The following LYPD6B variants were observed in gnomAD, a reference collection of about 807,000 sequenced individuals.
LYPD6B encodes ly6/PLAUR domain-containing protein 6B.
A neutral mutation model predicts 22.8 loss-of-function variants in LYPD6B; 17 were observed. The ratio of observed to expected loss-of-function variants is 0.75; its 90% CI spans 0.51 to 1.12. The LOEUF is 1.12. LYPD6B is among the 50% of genes most tolerant of loss of function. The pLI, the probability that LYPD6B is intolerant of heterozygous loss-of-function variation, is 0.00. For synonymous variants in LYPD6B, 106 were observed against 91.6 expected (o/e 1.16, Z -0.90); for missense variants, 221 against 258.3 (o/e 0.86, Z 0.99).
At chr2:149,067,607 G>A (rs566587535) in intron 1 of LYPD6B, among the ~76,000 whole-genome samples, 1 of 150,912 alleles carries the variant, frequency 6.6e-6, no homozygotes, top group Non-Finnish European at 1.5e-5. Flanking sequence ...TCCTCATAGG[G>A]CTATAAAGTG....
chr2:149,066,275 C>A (rs901262903), intron 1 of LYPD6B, among the ~76,000 whole-genome samples: 1 of 151,806 alleles, frequency 6.6e-6, no homozygotes, highest in Non-Finnish European at 1.5e-5. Context: ...GTGCTGCATC[C>A]ATTAACTTGT....
intron 1 of LYPD6B, among the ~76,000 whole-genome samples, chr2:149,100,776 G>T (rs1269348687): frequency 6.6e-6 from 1 of 152,176 alleles, no homozygotes; most frequent in African/African-American, 2.4e-5. Context: ...ATTCACCTTT[G>T]AACTTATGTT....
At chr2:149,190,988 C>T (rs1021223470) in intron 3 of LYPD6B, among the ~76,000 whole-genome samples, 2 of 152,090 alleles carry the variant, frequency 1.3e-5, no homozygotes, top group African/African-American at 4.8e-5. Context: ...AAGAAAGTCA[C>T]TCATATTTTC....
intron 1 of LYPD6B, among the ~76,000 whole-genome samples, chr2:149,109,660 C>G (rs1179288977): frequency 6.6e-6 from 1 of 152,062 alleles, no homozygotes; most frequent in Non-Finnish European, 1.5e-5. Flanking sequence ...GTATTTTAGG[C>G]TGCTTAAAGT....
intron 1 of LYPD6B, among the ~76,000 whole-genome samples, chr2:149,103,074 G>A (rs1686290587): frequency 6.6e-6 from 1 of 152,156 alleles, no homozygotes; most frequent in Non-Finnish European, 1.5e-5. Flanking sequence ...GTTCAAATCT[G>A]CTGTCTCCCT....
chr2:149,044,745 G>C (rs1683234634), intron 1 of LYPD6B, among the ~76,000 whole-genome samples: 1 of 152,008 alleles, frequency 6.6e-6, no homozygotes, highest in South Asian at 2.1e-4. Context: ...GAGGTTTCTT[G>C]TAGATACAAT....
intron 2 of LYPD6B, among the ~76,000 whole-genome samples, chr2:149,140,627 C>CTG (rs1688639199): frequency 3.3e-5 from 5 of 151,786 alleles, no homozygotes; most frequent in Admixed American, 3.3e-4. Context: ...TAAGCTTATC[C>CTG]TTGCATTTAG....
At chr2:149,158,258 C>T (rs229328) in intron 2 of LYPD6B, among the ~76,000 whole-genome samples, 120,469 of 152,036 alleles carry the variant, frequency 0.79, 47,962 homozygotes, top group Non-Finnish European at 0.83. Context: ...TATAATTACT[C>T]GGTGAATTAA....
intron 1 of LYPD6B, among the ~76,000 whole-genome samples, chr2:149,050,598 A>G (rs1278130329): frequency 1.3e-5 from 2 of 152,182 alleles, no homozygotes; most frequent in African/African-American, 4.8e-5. Context: ...GGAAAGTTAG[A>G]ACAAAGATGA....
chr2:149,059,945 G>A (rs1683997503), intron 1 of LYPD6B, among the ~76,000 whole-genome samples: 1 of 152,156 alleles, frequency 6.6e-6, no homozygotes, highest in Admixed American at 6.5e-5. Flanking sequence ...TGGTGCAAAG[G>A]TGTGAGGGAG....
At chr2:149,123,500 G>A (rs1687505714) in intron 1 of LYPD6B, among the ~76,000 whole-genome samples, 1 of 152,112 alleles carries the variant, frequency 6.6e-6, no homozygotes. Flanking sequence ...GGAGGAAAGG[G>A]CACTGAACTG....
At chr2:149,185,999 G>A (rs1692072879) in intron 3 of LYPD6B, among the ~76,000 whole-genome samples, 1 of 152,102 alleles carries the variant, frequency 6.6e-6, no homozygotes, top group African/African-American at 2.4e-5. Context: ...TCCCCTCCTT[G>A]GGCTTCCCTA....
intron 1 of LYPD6B, among the ~76,000 whole-genome samples, chr2:149,081,314 T>C (rs1416461696): frequency 6.6e-6 from 1 of 152,228 alleles, no homozygotes; most frequent in African/African-American, 2.4e-5. Context: ...CTTGAGCTCT[T>C]CACTTTCTTT....
chr2:149,184,779 C>T (rs904356355), intron 3 of LYPD6B, among the ~76,000 whole-genome samples: 7 of 152,140 alleles, frequency 4.6e-5, no homozygotes, highest in Non-Finnish European at 8.8e-5. Context: ...TGGTGAGAAA[C>T]CAGATATGCA....
chr2:149,098,873 A>G (rs1257057639), intron 1 of LYPD6B, among the ~76,000 whole-genome samples: 1 of 151,944 alleles, frequency 6.6e-6, no homozygotes, highest in East Asian at 1.9e-4. Context: ...AAGGCTCCCA[A>G]ATGCCTTTCC....
At chr2:149,068,870 G>T (rs368599369) in intron 1 of LYPD6B, 1 of 325,330 alleles carries the variant, frequency 3.1e-6, no homozygotes, top group Non-Finnish European at 6.4e-6. Flanking sequence ...AGCCTCCAAG[G>T]CTTCCTGAAA....
intron 1 of LYPD6B, among the ~76,000 whole-genome samples, chr2:149,072,520 T>TCA (rs1258647992): frequency 4.2e-4 from 63 of 149,418 alleles, no homozygotes; most frequent in East Asian, 2.4e-3. Context: ...TTATTTTATT[T>TCA]TATTTTATTT....
At chr2:149,135,719 CAAAAAAAAAAAAA>C (rs386391471) in intron 2 of LYPD6B, among the ~76,000 whole-genome samples, 3 of 32,228 alleles carry the variant, frequency 9.3e-5, no homozygotes, top group African/African-American at 2.0e-4. Flanking sequence ...GACCATGTCT[CAAAAAAAAAAAAA>C]AAAAAAAAAA....
intron 1 of LYPD6B, among the ~76,000 whole-genome samples, chr2:149,062,322 A>G (rs555925208): frequency 3.3e-5 from 5 of 152,338 alleles, no homozygotes; most frequent in African/African-American, 1.2e-4. Flanking sequence ...ACTGAAAATA[A>G]CATGTAAAAT....
Sources: allele counts gnomAD v4.1 joint callset (sites outside exome capture counted in the v4.1 genomes callset), GRCh38; gene constraint gnomAD v4.1.1; transcripts MANE v1.5; gene names NCBI Gene and HGNC (gene_info 2026-07-23, HGNC 2026-07-21).